Variants in SAXO2 observed in about 807,000 individuals in gnomAD.
SAXO2 encodes family with sequence similarity 154, member B.
In SAXO2, 17 loss-of-function variants were observed where a neutral mutation model predicts 18.7. The observed-to-expected ratio is 0.91, with a 90% confidence interval of 0.62 to 1.36. The LOEUF (loss-of-function observed/expected upper bound fraction) is 1.36, where lower values mean the gene tolerates loss of function less well. SAXO2 is among the 40% of genes most tolerant of loss of function. The probability of loss-of-function intolerance (pLI) is 0.00; values close to 1 mark genes in which losing one functional copy is unlikely to be tolerated. For synonymous variants in SAXO2, 163 were observed against 181.2 expected, an observed-to-expected ratio of 0.90 and a Z score of 0.81; for missense variants, 486 against 562.6, an observed-to-expected ratio of 0.86 and a Z score of 1.38.
chr15:82,284,235 A>T lies in SAXO2; in HGVS notation c.*1173A>T, dbSNP rs2075392080. 1 of 152,188 alleles carries T rather than the reference A, an allele frequency of 6.6e-6. No individual in the cohort carries two copies. The highest frequency in any genetic ancestry group is 2.1e-4 in the South Asian group (1 of 4,830). The allele number at this position is 152,188 out of a possible 1,614,324, so 9.4% of individuals were successfully genotyped here. On this transcript the variant is annotated 3_prime_UTR_variant, in exon 4 of 4. Coordinates refer to ENST00000682753, the MANE Select transcript of SAXO2 (RefSeq NM_001348699.2). ...ACTCAATGCTCATTTTCTGGCCTGT[A>T]GCAAGGATTGTAAAATAACCTAATT... is the stretch of plus-strand genomic sequence containing the variant.
Position 82,283,096 on chromosome 15 carries a change from AAG to A in SAXO2, c.*35_*36del. ...ATGTGCTTAAAAGGAAGGTACTAGC[AAG>A]TTGTTGTTTTTCCAAGAGAAAACTC... On this transcript the variant is annotated 3_prime_UTR_variant, in exon 4 of 4. Transcript: ENST00000682753. 7.4e-7 allele frequency: 1 copy of A among 1,349,778 alleles called. No individual in the cohort carries two copies. Among genetic ancestry groups the A allele is most frequent in the Middle Eastern group, 2.0e-4 (1 of 5,102 alleles). The allele number at this position is 1,349,778 out of a possible 1,614,324, so 83.6% of individuals were successfully genotyped here. A position where few individuals can be genotyped will look rare whatever the true frequency, so the allele number is the denominator to read the frequency against.
chr15:82,263,544 C>T (rs2075165459), intron 1 of SAXO2: 2 of 652,202 alleles, frequency 3.1e-6, no homozygotes, highest in Admixed American at 4.7e-5. Flanking sequence ...TCACTATTGA[C>T]CCAGGGATTA....
At chr15:82,274,818 A>G (rs899224800) in intron 3 of SAXO2, among the ~76,000 whole-genome samples, 1 of 152,032 alleles carries the variant, frequency 6.6e-6, no homozygotes, top group Non-Finnish European at 1.5e-5. Context: ...AAATGCCTAC[A>G]TCAAAAAGAT....
At chr15:82,264,598 A>AGT in intron 1 of SAXO2, 1 of 697,134 alleles carries the variant, frequency 1.4e-6, no homozygotes, top group South Asian at 1.5e-5. Context: ...TTTATTAAGG[A>AGT]GTATATATAT....
At chr15:82,281,627 T>A (rs1321897740) in intron 3 of SAXO2, among the ~76,000 whole-genome samples, 27 of 152,214 alleles carry the variant, frequency 1.8e-4, no homozygotes, top group Admixed American at 1.3e-4. Flanking sequence ...TCCCCTTTGA[T>A]GAGTCTCTCC....
chr15:82,278,717 A>G (rs2075337368), intron 3 of SAXO2, among the ~76,000 whole-genome samples: 1 of 152,226 alleles, frequency 6.6e-6, no homozygotes, highest in Non-Finnish European at 1.5e-5. Context: ...GTTTTTGATC[A>G]TAACAGAATT....
intron 3 of SAXO2, among the ~76,000 whole-genome samples, chr15:82,274,774 C>T (rs1485494127): frequency 6.6e-6 from 1 of 150,488 alleles, no homozygotes. Context: ...TGGGATGTGG[C>T]AAAAGCAGGG....
intron 1 of SAXO2, among the ~76,000 whole-genome samples, chr15:82,265,205 A>C (rs1433635830): frequency 3.9e-4 from 59 of 152,138 alleles, no homozygotes; most frequent in Non-Finnish European, 4.4e-5. Flanking sequence ...CAGTGGCAGG[A>C]TCTTGGCTCA....
chr15:82,278,554 TG>T (rs931253549), intron 3 of SAXO2, among the ~76,000 whole-genome samples: 1 of 152,218 alleles, frequency 6.6e-6, no homozygotes, highest in Non-Finnish European at 1.5e-5. Flanking sequence ...TCAACAATGT[TG>T]TCCAAATTGA....
intron 3 of SAXO2, among the ~76,000 whole-genome samples, chr15:82,278,347 A>G (rs1048400558): frequency 2.6e-5 from 4 of 152,222 alleles, no homozygotes; most frequent in Admixed American, 2.6e-4. Flanking sequence ...ACAACAGAGA[A>G]ACCACCACAC....
chr15:82,282,283 C>A lies in SAXO2; in HGVS notation c.598C>A (p.Arg200Ser). The change falls in exon 4 of 4, where the codon CGT becomes AGT. Residue 200 changes from arginine (R) to serine (S), a missense_variant. Arg to Ser is a moderately radical substitution (Grantham distance 110). Coordinates refer to ENST00000682753, the MANE Select transcript of SAXO2 (RefSeq NM_001348699.2). The stretch of plus-strand genomic sequence containing the variant: ...CTTTAAACCCTCCTCTGTGGTCAAA[C>A]GTTCTACAGCCCCTTTTAATGGTAT... ...QSFKPSSVVK[R>S]STAPFNGITS... is the part of the protein sequence containing the mutation. 6 of 1,614,192 alleles carry A rather than the reference C, an allele frequency of 3.7e-6. No homozygotes were observed. Among genetic ancestry groups the A allele is most frequent in the Non-Finnish European group, 5.1e-6 (6 of 1,180,032 alleles).
intron 1 of SAXO2, among the ~76,000 whole-genome samples, chr15:82,263,648 G>GT (rs368259628): frequency 5.3e-4 from 80 of 152,268 alleles, no homozygotes; most frequent in African/African-American, 1.9e-3. Flanking sequence ...ATGGAAAGCA[G>GT]TTTTTTTAAT....
intron 2 of SAXO2, among the ~76,000 whole-genome samples, chr15:82,271,028 A>G (rs1056733106): frequency 1.3e-5 from 2 of 152,226 alleles, no homozygotes; most frequent in Non-Finnish European, 1.5e-5. Context: ...GCATCCATCC[A>G]TGACAAGGAC....
chr15:82,282,558 G>C lies in SAXO2; in HGVS notation c.873G>C (p.Glu291Asp). The change falls in exon 4 of 4, where the codon GAG becomes GAC. Residue 291 changes from glutamate to aspartate, a missense_variant. Coordinates refer to ENST00000682753, the MANE Select transcript of SAXO2 (RefSeq NM_001348699.2). ...SFQPWEIPPP[E>D]VKKVPEYVPP... ...AACCATGGGAAATCCCACCACCTGA[G>C]GTCAAGAAAGTACCAGAGTATGTGC... 1 of 1,614,098 alleles carries C rather than the reference G, an allele frequency of 6.2e-7. No individual in the cohort carries two copies. The highest frequency in any genetic ancestry group is 8.5e-7 in the Non-Finnish European group (1 of 1,180,014).
intron 1 of SAXO2, chr15:82,263,451 T>C (rs752279495): frequency 5.1e-5 from 36 of 702,660 alleles, no homozygotes; most frequent in South Asian, 3.3e-4. Context: ...AAGTAGTCCC[T>C]ACCCTGAAAT....
rs2075391703 is a variant in SAXO2 at position 82,284,177 on chromosome 15, T to G, written c.*1115T>G. 6.6e-6 allele frequency: 1 copy of G among 152,214 alleles called. No homozygotes were observed. The highest frequency in any genetic ancestry group is 2.4e-5 in the African/African-American group (1 of 41,452). 9.4% of individuals were successfully genotyped at this position (152,214 alleles called of 1,614,324 possible). ...AAATTGCTCAATCTCTTTTTGTACT[T>G]GTTTTCTCCTTTTCAAATTAGGATA... On this transcript the variant is annotated 3_prime_UTR_variant, in exon 4 of 4. Coordinates refer to ENST00000682753, the MANE Select transcript of SAXO2 (RefSeq NM_001348699.2).
intron 2 of SAXO2, among the ~76,000 whole-genome samples, chr15:82,270,068 C>T (rs1344957677): frequency 9.9e-5 from 15 of 152,124 alleles, no homozygotes; most frequent in Admixed American, 8.5e-4. Context: ...GGCATTGAAT[C>T]CAAGAGACCA....
intron 1 of SAXO2, chr15:82,263,488 A>G (rs1053927624): frequency 1.1e-5 from 8 of 701,018 alleles, no homozygotes; most frequent in African/African-American, 1.0e-4. Context: ...AGTCCTGCCT[A>G]ACAACCTTCC....
In SAXO2 at chr15:82,284,041, A is replaced by C. The variant is rs1434231723; in HGVS notation, c.*979A>C. On this transcript the variant is annotated 3_prime_UTR_variant, in exon 4 of 4. Coordinates refer to ENST00000682753, the MANE Select transcript of SAXO2 (RefSeq NM_001348699.2). ...GCAGTGACTCATATCTCTGAGCCTC[A>C]GTGTCTTTATTTGTAAAATGATGTC... 1 of 152,220 alleles carries C rather than the reference A, an allele frequency of 6.6e-6. No homozygotes were observed. Among genetic ancestry groups the C allele is most frequent in the South Asian group, 2.1e-4 (1 of 4,832 alleles). The allele number at this position is 152,220 out of a possible 1,614,324, so 9.4% of individuals were successfully genotyped here.
Sources: gnomAD v4.1 joint callset for allele counts (sites outside exome capture counted in the v4.1 genomes callset) on GRCh38, gnomAD v4.1.1 for gene constraint, MANE v1.5 for transcripts, NCBI Gene and HGNC (gene_info 2026-07-23, HGNC 2026-07-21) for gene names.